ZFR: variants seen among roughly 807,000 people sequenced by gnomAD.
The protein encoded by ZFR is zinc finger RNA-binding protein.
Under a neutral mutation model 130.7 loss-of-function variants are expected in ZFR, and 19 were observed. The observed-to-expected ratio is 0.15, with a 90% CI of 0.10 to 0.21. The LOEUF is 0.21. ZFR is among the 10% of genes least tolerant of loss of function. The pLI, the probability that ZFR is intolerant of heterozygous loss-of-function variation, is 1.00. For synonymous variants in ZFR, 466 were observed against 456.9 expected (o/e 1.02, Z -0.25); for missense variants, 872 against 1,321.5 (o/e 0.66, Z 5.27).
chr5:32,437,781 T>A (rs1407155526), intron 2 of ZFR, among the ~76,000 whole-genome samples: 1 of 152,174 alleles, frequency 6.6e-6, no homozygotes, highest in Admixed American at 6.6e-5. Context: ...TATAAGCATG[T>A]CTATCTCTGG....
chr5:32,363,848 A>G, intron 19 of ZFR, 100 bp downstream of exon 19: 2 of 998,104 alleles, frequency 2.0e-6, no homozygotes, highest in Non-Finnish European at 2.9e-6. Flanking sequence ...AGAAGAACGA[A>G]TATTATATAG....
intron 4 of ZFR, among the ~76,000 whole-genome samples, chr5:32,415,713 A>G (rs1463534255): frequency 6.6e-6 from 1 of 152,196 alleles, no homozygotes. Flanking sequence ...AAGGTACTAC[A>G]TAATTTTTCA....
chr5:32,368,127 A>C (rs1259060212), intron 17 of ZFR, among the ~76,000 whole-genome samples: 2 of 152,064 alleles, frequency 1.3e-5, no homozygotes, highest in Non-Finnish European at 2.9e-5. Context: ...TATGTAAAAC[A>C]AATAAAACAA....
chr5:32,380,782 G>T (rs1389207264), intron 15 of ZFR, among the ~76,000 whole-genome samples: 1 of 151,286 alleles, frequency 6.6e-6, no homozygotes, highest in South Asian at 2.1e-4. Context: ...CCAAGTAGCT[G>T]GGATTACAGG....
intron 19 of ZFR, among the ~76,000 whole-genome samples, chr5:32,356,243 A>G (rs991987716): frequency 1.3e-5 from 2 of 152,210 alleles, no homozygotes; most frequent in African/African-American, 4.8e-5. Context: ...AGGATGTTGA[A>G]AACAAAGAAA....
At chr5:32,433,279 G>A (rs1175665605) in intron 2 of ZFR, among the ~76,000 whole-genome samples, 1 of 152,054 alleles carries the variant, frequency 6.6e-6, no homozygotes, top group East Asian at 1.9e-4. Context: ...AAGGGATAAT[G>A]AAAAAGAATG....
intron 18 of ZFR, 37 bp from the exon 19 acceptor site, chr5:32,364,082 A>G (rs1323961928): frequency 1.2e-6 from 2 of 1,602,654 alleles, no homozygotes; most frequent in Admixed American, 3.4e-5. Flanking sequence ...AATTATTAGC[A>G]TTGTCCACTT....
At chr5:32,417,615 T>C (rs754722740) in intron 4 of ZFR, 33 bp downstream of exon 4, 1 of 1,607,404 alleles carries the variant, frequency 6.2e-7, no homozygotes, top group Admixed American at 1.7e-5. Context: ...TTCAATAGTT[T>C]ACAAAGAAAC....
At chr5:32,399,150 C>T (rs1243113220) in intron 9 of ZFR, among the ~76,000 whole-genome samples, 1 of 151,898 alleles carries the variant, frequency 6.6e-6, no homozygotes, top group African/African-American at 2.4e-5. Context: ...TGGCATGCAC[C>T]TGTAATCCCA....
intron 17 of ZFR, 141 bp from the exon 18 acceptor site, chr5:32,364,416 A>T: frequency 1.9e-6 from 1 of 538,302 alleles, no homozygotes. Flanking sequence ...AATAAATATT[A>T]CATATAATAT....
chr5:32,441,390 G>T (rs1468696812), intron 2 of ZFR, among the ~76,000 whole-genome samples: 2 of 152,080 alleles, frequency 1.3e-5, no homozygotes, highest in Non-Finnish European at 2.9e-5. Flanking sequence ...TATAAGCAGG[G>T]GATTGGTTCC....
chr5:32,371,756 A>C (rs1752672938), intron 17 of ZFR, among the ~76,000 whole-genome samples: 1 of 152,156 alleles, frequency 6.6e-6, no homozygotes, highest in African/African-American at 2.4e-5. Flanking sequence ...AGAGCAGAAA[A>C]ATGGTAATCA....
chr5:32,417,180 A>G (rs770897608), intron 4 of ZFR, among the ~76,000 whole-genome samples: 1 of 151,992 alleles, frequency 6.6e-6, no homozygotes, highest in South Asian at 2.1e-4. Flanking sequence ...TTGCAAACGA[A>G]ATGCTTCCTA....
intron 2 of ZFR, among the ~76,000 whole-genome samples, chr5:32,437,594 G>T (rs1350593283): frequency 6.6e-6 from 1 of 152,126 alleles, no homozygotes; most frequent in Non-Finnish European, 1.5e-5. Flanking sequence ...GTAGACTAAA[G>T]ATCCATCCAA....
At chr5:32,361,491 T>C (rs1054579347) in intron 19 of ZFR, among the ~76,000 whole-genome samples, 6 of 152,176 alleles carry the variant, frequency 3.9e-5, no homozygotes, top group African/African-American at 1.4e-4. Flanking sequence ...TAAAAGGTCC[T>C]TCCTAAAGAT....
intron 11 of ZFR, among the ~76,000 whole-genome samples, chr5:32,392,938 T>C (rs1237834426): frequency 6.6e-6 from 1 of 152,170 alleles, no homozygotes; most frequent in African/African-American, 2.4e-5. Flanking sequence ...GAGAGTGCAG[T>C]GAGCCAAGAT....
At chr5:32,358,633 G>GA (rs958176157) in intron 19 of ZFR, among the ~76,000 whole-genome samples, 26 of 136,422 alleles carry the variant, frequency 1.9e-4, no homozygotes, top group African/African-American at 4.0e-4. Flanking sequence ...CCGTCTCAAA[G>GA]AAAAAAAAAA....
rs1361109521 is a variant in ZFR, at chr5:32,417,704, G to A, written c.509C>T (p.Ala170Val). The A allele has an allele frequency of 1.2e-6, 2 of 1,613,782 alleles. No individual in the cohort carries two copies. Among genetic ancestry groups the A allele is most frequent in the Non-Finnish European group, 1.7e-6 (2 of 1,179,870 alleles). ...CTGAGGTTGGGCAGCGGCAGCTACA[G>A]CAGCAGCAGTTGCTGTTGGTTGTTG... ...YYQQPTATAA[A>V]VAAAAQPQPS... The change falls in exon 4 of 20, where the codon GCT becomes GTT. Residue 170 changes from alanine (A) to valine (V), a missense_variant. Physicochemically the swap from Ala to Val is moderately conservative, Grantham distance 64 (BLOSUM62 0). This residue lies in a region of ZFR where 240 missense variants were observed against 441.2 expected (regional missense o/e 0.54). Coordinates refer to ENST00000265069, the MANE Select transcript of ZFR (RefSeq NM_016107.5).
At chr5:32,438,888 G>A (rs533253563) in intron 2 of ZFR, among the ~76,000 whole-genome samples, 4 of 152,284 alleles carry the variant, frequency 2.6e-5, no homozygotes, top group African/African-American at 9.6e-5. Context: ...TCACCTCAAG[G>A]CAAGTCAGGT....
Sources: gnomAD v4.1 joint callset for allele counts (sites outside exome capture counted in the v4.1 genomes callset) on GRCh38, gnomAD v4.1.1 for gene constraint, gnomAD v4.1.1 regional missense constraint, MANE v1.5 for transcripts, NCBI Gene and HGNC (gene_info 2026-07-23, HGNC 2026-07-21) for gene names.